The following PKN2 variants were observed in gnomAD, a reference collection of about 807,000 sequenced individuals.
PKN2 encodes serine/threonine-protein kinase N2.
In PKN2, 38 loss-of-function variants were observed where a neutral mutation model predicts 119.1. The ratio of observed to expected loss-of-function variants is 0.32; its 90% confidence interval spans 0.25 to 0.42. PKN2 has a LOEUF of 0.42. Among genes scored for constraint, PKN2 ranks in the 10% least tolerant of loss-of-function variants. PKN2 has a pLI of 1.00. For missense variants in PKN2, 850 were observed against 1,165.1 expected, an observed-to-expected ratio of 0.73 and a Z score of 3.94; for synonymous variants, 390 against 384.9, an observed-to-expected ratio of 1.01 and a Z score of -0.15.
At chr1:88,690,842 G>A (rs1206118957) in intron 1 of PKN2, among the ~76,000 whole-genome samples, 1 of 152,192 alleles carries the variant, frequency 6.6e-6, no homozygotes. Context: ...GTGTTGAAGT[G>A]CCTCATAAAG....
At chr1:88,780,236 T>C (rs1670279589) in intron 6 of PKN2, among the ~76,000 whole-genome samples, 1 of 152,228 alleles carries the variant, frequency 6.6e-6, no homozygotes, top group East Asian at 1.9e-4. Flanking sequence ...TAGTTATATG[T>C]ATTTTTTTTC....
chr1:88,739,685 A>G (rs1668499935), intron 1 of PKN2, among the ~76,000 whole-genome samples: 1 of 152,212 alleles, frequency 6.6e-6, no homozygotes, highest in African/African-American at 2.4e-5. Context: ...GAATTTAAAC[A>G]TTTTAAATCC....
chr1:88,784,961 A>G (rs1670513310), intron 7 of PKN2, 137 bp downstream of exon 7: 2 of 477,906 alleles, frequency 4.2e-6, no homozygotes, highest in African/African-American at 4.0e-5. Context: ...AAAACCTGTG[A>G]TGTCAGGAAA....
chr1:88,815,466 C>T (rs894449054), intron 16 of PKN2: 2 of 339,562 alleles, frequency 5.9e-6, no homozygotes, highest in Admixed American at 9.3e-5. Context: ...TACATGAAAT[C>T]ATCTGATTTA....
At chr1:88,749,959 G>A (rs1359311970) in intron 2 of PKN2, among the ~76,000 whole-genome samples, 1 of 152,126 alleles carries the variant, frequency 6.6e-6, no homozygotes, top group Non-Finnish European at 1.5e-5. Flanking sequence ...GAGCCAGCTT[G>A]CTATAAAATA....
chr1:88,735,611 C>CA (rs1557575681), intron 1 of PKN2, among the ~76,000 whole-genome samples: 2 of 89,130 alleles, frequency 2.2e-5, no homozygotes, highest in Admixed American at 2.5e-4. Flanking sequence ...CACCCCCCCC[C>CA]CCCCCACCCC....
intron 1 of PKN2, among the ~76,000 whole-genome samples, chr1:88,699,841 G>T (rs376065658): frequency 9.5e-4 from 144 of 151,754 alleles, no homozygotes; most frequent in African/African-American, 3.4e-3. Flanking sequence ...AGAATGCAGT[G>T]GCGCAATCTT....
At chr1:88,737,898 T>A (rs1026139404) in intron 1 of PKN2, among the ~76,000 whole-genome samples, 1 of 152,210 alleles carries the variant, frequency 6.6e-6, no homozygotes. Flanking sequence ...CCTCTTCAGT[T>A]GATCTTTTCT....
At chr1:88,820,702 A>G (rs1672245380) in intron 16 of PKN2, among the ~76,000 whole-genome samples, 1 of 152,136 alleles carries the variant, frequency 6.6e-6, no homozygotes, top group Non-Finnish European at 1.5e-5. Flanking sequence ...ACGGCAGTGG[A>G]ATGAGGTGAG....
intron 6 of PKN2, among the ~76,000 whole-genome samples, chr1:88,773,486 A>T (rs1669973936): frequency 6.6e-6 from 1 of 152,144 alleles, no homozygotes; most frequent in Non-Finnish European, 1.5e-5. Flanking sequence ...TAGTAGAGAC[A>T]GGGTTTTACC....
rs983279834 is a variant in PKN2 at position 88,742,945 on chromosome 1, CTT to C, written c.349+1659_349+1660del. Among the ~76,000 whole-genome samples, 341 of 152,296 alleles carry C rather than the reference CTT, an allele frequency of 2.2e-3. 2 individuals are homozygous for C. The highest frequency in any genetic ancestry group is 8.1e-3 in the African/African-American group (336 of 41,572). On this transcript the variant is annotated intron_variant, in intron 2 of 21. Coordinates refer to ENST00000370521, the MANE Select transcript of PKN2 (RefSeq NM_006256.4). Reference sequence around the variant, plus strand: ...GTGGCTCGTGCCTATAATCCTAGCACTTTGGGAGGCCAAGGCAGGCGGATCAC... The same window carrying C: ...GTGGCTCGTGCCTATAATCCTAGCACTGGGAGGCCAAGGCAGGCGGATCAC...
chr1:88,749,170 G>A (rs1011940867), intron 2 of PKN2, among the ~76,000 whole-genome samples: 1 of 152,134 alleles, frequency 6.6e-6, no homozygotes, highest in African/African-American at 2.4e-5. Context: ...CATGCCCTAG[G>A]TACAGAGTTA....
intron 2 of PKN2, among the ~76,000 whole-genome samples, chr1:88,743,942 ACTT>A (rs774414446): frequency 6.6e-6 from 1 of 151,998 alleles, no homozygotes; most frequent in Non-Finnish European, 1.5e-5. Flanking sequence ...TTATACTGTG[ACTT>A]CTTAATACTT....
intron 8 of PKN2, among the ~76,000 whole-genome samples, chr1:88,802,818 A>T (rs950961498): frequency 1.3e-5 from 2 of 152,190 alleles, no homozygotes; most frequent in African/African-American, 4.8e-5. Flanking sequence ...ACAAGTATTA[A>T]TTCTGTCTCT....
intron 18 of PKN2, 93 bp downstream of exon 18, chr1:88,824,479 G>A: frequency 2.7e-6 from 2 of 733,548 alleles, no homozygotes; most frequent in African/African-American, 1.8e-5. Context: ...AAAACAAACT[G>A]TACTTTTAAC....
intron 6 of PKN2, chr1:88,781,174 G>A (rs1364396591): frequency 7.8e-6 from 10 of 1,277,590 alleles, no homozygotes; most frequent in Non-Finnish European, 1.0e-5. Flanking sequence ...AAGAGCATTT[G>A]CTGTTCTGAA....
chr1:88,685,326 C>G (rs1666047030), intron 1 of PKN2: 1 of 151,690 alleles, frequency 6.6e-6, no homozygotes, highest in Non-Finnish European at 1.5e-5. Flanking sequence ...TCCGGGAGCT[C>G]AGATGCTGAT....
chr1:88,764,095 C>T (rs1256145582), intron 3 of PKN2, among the ~76,000 whole-genome samples: 1 of 152,170 alleles, frequency 6.6e-6, no homozygotes, highest in African/African-American at 2.4e-5. Flanking sequence ...AGGACAAAAT[C>T]CAAAATTCTT....
chr1:88,754,172 G>T (rs1328799001), intron 2 of PKN2, among the ~76,000 whole-genome samples: 1 of 152,008 alleles, frequency 6.6e-6, no homozygotes, highest in African/African-American at 2.4e-5. Flanking sequence ...ATCTCTTTAT[G>T]TATTGTCTTC....
Sources: allele counts gnomAD v4.1 joint callset (sites outside exome capture counted in the v4.1 genomes callset), GRCh38; gene constraint gnomAD v4.1.1; transcripts MANE v1.5; gene names NCBI Gene and HGNC (gene_info 2026-07-23, HGNC 2026-07-21).